The following CDH12 variants were observed in gnomAD, a reference collection of about 807,000 sequenced individuals.
CDH12 encodes the protein cadherin 12.
A neutral mutation model predicts 74.1 loss-of-function variants in CDH12; 41 were observed. That is an observed-to-expected ratio of 0.55 (90% CI 0.43 to 0.72). The LOEUF (loss-of-function observed/expected upper bound fraction) is 0.72, where lower values mean the gene tolerates loss of function less well. Ranked by LOEUF, CDH12 falls within the 30% of genes least tolerant of loss-of-function variation. CDH12 has a pLI of 0.00. For missense variants in CDH12, 945 were observed against 977.2 expected (o/e 0.97, Z 0.44); for synonymous variants, 399 against 355.0 (o/e 1.12, Z -1.39).
At chr5:22,806,077 G>T (rs546735043) in intron 1 of CDH12, among the ~76,000 whole-genome samples, 4 of 152,212 alleles carry the variant, frequency 2.6e-5, no homozygotes, top group African/African-American at 9.6e-5. Flanking sequence ...GTTTGAGTTG[G>T]TTCCAAGTCT....
chr5:22,832,642 A>C (rs1561063653), intron 1 of CDH12, among the ~76,000 whole-genome samples: 1 of 152,172 alleles, frequency 6.6e-6, no homozygotes, highest in Non-Finnish European at 1.5e-5. Flanking sequence ...TCTAATTATA[A>C]CACAGATATT....
intron 3 of CDH12, among the ~76,000 whole-genome samples, chr5:22,379,053 A>G (rs939032617): frequency 3.3e-5 from 5 of 152,174 alleles, no homozygotes; most frequent in Non-Finnish European, 7.4e-5. Context: ...AAAATACTAT[A>G]TAGTAACTGA....
At chr5:22,238,025 C>A (rs1270432343) in intron 3 of CDH12, among the ~76,000 whole-genome samples, 2 of 152,122 alleles carry the variant, frequency 1.3e-5, no homozygotes. Flanking sequence ...ATATTTGAAT[C>A]TAATTGAACT....
rs529657841 is a variant in CDH12 at position 22,257,624 on chromosome 5, G to A, written c.-332-44981C>T. ...AAGCAATTCTCCTCCCTCAGCCTCC[G>A]GATTAGCTGGGACTACAGGCCACTG... On this transcript the variant is annotated intron_variant, in intron 3 of 14. Transcript: ENST00000382254. Among the ~76,000 whole-genome samples, 14 of 151,682 alleles carry A rather than the reference G, an allele frequency of 9.2e-5. 1 individual carries two copies. The highest frequency in any genetic ancestry group is 6.2e-4 in the South Asian group (3 of 4,806).
chr5:22,473,155 C>A (rs963619836), intron 2 of CDH12, among the ~76,000 whole-genome samples: 12 of 152,070 alleles, frequency 7.9e-5, no homozygotes, highest in African/African-American at 2.9e-4. Context: ...TATTGTTCCT[C>A]AATTTTGAAT....
intron 1 of CDH12, among the ~76,000 whole-genome samples, chr5:22,818,284 C>T (rs1388348788): frequency 6.6e-6 from 1 of 152,124 alleles, no homozygotes; most frequent in Non-Finnish European, 1.5e-5. Flanking sequence ...CTAGACAGCT[C>T]TACTTTTCTG....
chr5:22,735,018 CT>C (rs1445414990), intron 1 of CDH12, among the ~76,000 whole-genome samples: 1 of 151,870 alleles, frequency 6.6e-6, no homozygotes, highest in Non-Finnish European at 1.5e-5. Flanking sequence ...TTCAATTCAG[CT>C]TATAGCAGAA....
chr5:21,881,959 T>C (rs978796956), intron 6 of CDH12, among the ~76,000 whole-genome samples: 1 of 152,226 alleles, frequency 6.6e-6, no homozygotes, highest in African/African-American at 2.4e-5. Context: ...AGGCTGTGAA[T>C]GTAGATGCAT....
chr5:22,529,156 T>C (rs1326066719), intron 1 of CDH12, among the ~76,000 whole-genome samples: 3 of 142,464 alleles, frequency 2.1e-5, no homozygotes, highest in Admixed American at 7.5e-5. Flanking sequence ...CACATATATA[T>C]ACACATGTGT....
At chr5:22,294,228 A>G (rs1289271203) in intron 3 of CDH12, among the ~76,000 whole-genome samples, 3 of 152,188 alleles carry the variant, frequency 2.0e-5, no homozygotes, top group African/African-American at 7.2e-5. Flanking sequence ...AGGACTGATG[A>G]TGATTGAGGG....
At chr5:22,774,614 C>T (rs1210131710) in intron 1 of CDH12, among the ~76,000 whole-genome samples, 2 of 152,122 alleles carry the variant, frequency 1.3e-5, no homozygotes, top group Non-Finnish European at 2.9e-5. Flanking sequence ...CCTGAACAAT[C>T]GCTCTCTATT....
intron 1 of CDH12, among the ~76,000 whole-genome samples, chr5:22,567,711 A>G (rs1163015197): frequency 6.6e-6 from 1 of 152,162 alleles, no homozygotes; most frequent in Non-Finnish European, 1.5e-5. Flanking sequence ...ATGTGACTAA[A>G]TTTACTTTGG....
chr5:22,122,959 G>T (rs1440457188), intron 4 of CDH12, among the ~76,000 whole-genome samples: 1 of 152,076 alleles, frequency 6.6e-6, no homozygotes, highest in Non-Finnish European at 1.5e-5. Context: ...CTAAACCATT[G>T]GCTCTCTTGG....
intron 10 of CDH12, among the ~76,000 whole-genome samples, chr5:21,801,738 A>G (rs1041105519): frequency 1.3e-5 from 2 of 152,250 alleles, no homozygotes; most frequent in Non-Finnish European, 1.5e-5. Flanking sequence ...TAACTTTTTC[A>G]AACACTAACT....
Position 22,020,886 on chromosome 5 carries a change from TAA to T in CDH12, c.232-45503_232-45502del, listed in dbSNP as rs1435089113. 2.6e-5 allele frequency among the ~76,000 whole-genome samples: 4 copies of T among 151,820 alleles called. No individual in the cohort carries two copies. In the East Asian group the frequency reaches 7.7e-4, roughly 29 times the overall value. ...TCAGTACATAGCACAGGGACTATTG[TAA>T]ATTCCTGATAAGAAATCTTTCTTAT... is the stretch of plus-strand genomic sequence containing the variant. On this transcript the variant is annotated intron_variant, in intron 5 of 14. Transcript: ENST00000382254.
intron 5 of CDH12, among the ~76,000 whole-genome samples, chr5:22,016,455 G>A (rs984088761): frequency 6.6e-6 from 1 of 151,878 alleles, no homozygotes; most frequent in African/African-American, 2.4e-5. Context: ...GAGTGCAGTG[G>A]TGCAATCTCG....
intron 1 of CDH12, among the ~76,000 whole-genome samples, chr5:22,784,812 G>C (rs890562992): frequency 1.3e-5 from 2 of 152,064 alleles, no homozygotes; most frequent in Non-Finnish European, 2.9e-5. Flanking sequence ...TAATTGTAAA[G>C]TATACCTTTT....
chr5:22,640,398 T>C (rs559839029), intron 1 of CDH12, among the ~76,000 whole-genome samples: 9 of 152,354 alleles, frequency 5.9e-5, no homozygotes, highest in African/African-American at 2.2e-4. Flanking sequence ...CTGTTTCCTA[T>C]AGGATATGTC....
At chr5:22,269,075 T>C (rs928393272) in intron 3 of CDH12, among the ~76,000 whole-genome samples, 5 of 152,154 alleles carry the variant, frequency 3.3e-5, no homozygotes, top group African/African-American at 4.8e-5. Flanking sequence ...ATCTGTGAAA[T>C]AGAAGTCATG....
Sources: gnomAD v4.1 joint callset for allele counts (sites outside exome capture counted in the v4.1 genomes callset) on GRCh38, gnomAD v4.1.1 for gene constraint, MANE v1.5 for transcripts, NCBI Gene and HGNC (gene_info 2026-07-23, HGNC 2026-07-21) for gene names.